EXTL3: variants seen among roughly 807,000 people sequenced by gnomAD.
The protein encoded by EXTL3 is exostosin-like 3.
Under a neutral mutation model 69.3 loss-of-function variants are expected in EXTL3, and 27 were observed. The observed-to-expected ratio is 0.39, with a 90% CI of 0.29 to 0.54. EXTL3 has a LOEUF of 0.54. Ranked by LOEUF, EXTL3 falls within the 20% of genes least tolerant of loss-of-function variation. EXTL3 has a pLI of 0.69. For missense variants in EXTL3, 1,003 were observed against 1,231.8 expected, an observed-to-expected ratio of 0.81 and a Z score of 2.78; for synonymous variants, 511 against 499.4, an observed-to-expected ratio of 1.02 and a Z score of -0.31.
upstream of EXTL3, among the ~76,000 whole-genome samples, chr8:28,619,105 A>C (rs984518573): frequency 7.3e-4 from 109 of 148,898 alleles, 1 homozygote; most frequent in Admixed American, 1.1e-3. Context: ...AAAAAAAAAA[A>C]AAAAAAAAAA....
chr8:28,619,773 C>G (rs1309808491), upstream of EXTL3, among the ~76,000 whole-genome samples: 1 of 148,316 alleles, frequency 6.7e-6, no homozygotes, highest in Admixed American at 6.9e-5. Context: ...GCAGACACCA[C>G]ACATTAGCGC....
Position 28,623,005 on chromosome 8 carries a change from G to T in EXTL3, c.-53+195G>T, listed in dbSNP as rs1301460833. On this transcript the variant is annotated intron_variant, in intron 1 of 6. Coordinates refer to the EXTL3 transcript ENST00000523149. The surrounding 1 kb of genome is among the most constrained non-coding windows in gnomAD (Gnocchi z 4.2). ...CCTGCCCGCGGGCCGGACGTGGGGC[G>T]CCTGCTCTGGGCGTCTGGGGCGGGC... Among the ~76,000 whole-genome samples the T allele has an allele frequency of 2.0e-5, 3 of 152,076 alleles. No homozygotes were observed. Among genetic ancestry groups the T allele is most frequent in the African/African-American group, 2.4e-5 (1 of 41,424 alleles).
At chr8:28,677,711 A>G (rs899889301) in intron 1 of EXTL3, among the ~76,000 whole-genome samples, 1 of 152,210 alleles carries the variant, frequency 6.6e-6, no homozygotes, top group Non-Finnish European at 1.5e-5. Flanking sequence ...CTAGAAAAGC[A>G]TCAAAAATCA....
At chr8:28,642,445 CAAAA>C (rs34884110) in intron 1 of EXTL3, among the ~76,000 whole-genome samples, 3 of 91,952 alleles carry the variant, frequency 3.3e-5, no homozygotes, top group Admixed American at 1.2e-4. Flanking sequence ...AACACTGTCT[CAAAA>C]AAAAAAAAAA....
chr8:28,717,596 C>T lies in EXTL3; in HGVS notation c.1537C>T (p.Arg513Cys), dbSNP rs1332006145. 3.7e-6 allele frequency: 6 copies of T among 1,614,110 alleles called. No homozygotes were observed. Among genetic ancestry groups the T allele is most frequent in the Admixed American group, 1.7e-5 (1 of 60,010 alleles). The part of the protein sequence containing the change: ...SDLLAMRRQG[R>C]FLWETYFSTA... The stretch of plus-strand genomic sequence containing the variant: ...CCTCCTGGCTATGAGGCGGCAAGGC[C>T]GCTTTCTCTGGGAGACTTACTTCTC... Residue 513 changes from arginine (R) to cysteine (C), a missense_variant, in exon 3 of 7, where the codon CGC becomes TGC. Around this residue, in one of 2 missense-constraint regions of EXTL3, gnomAD observed 742 missense variants for 815.4 expected, o/e 0.91. Coordinates refer to ENST00000220562, the MANE Select transcript of EXTL3 (RefSeq NM_001440.4). This position sits in a 1 kb window ranked among gnomAD's most constrained non-coding sequence, Gnocchi z 8.3.
intron 6 of EXTL3, among the ~76,000 whole-genome samples, chr8:28,743,493 A>G (rs1481912689): frequency 6.6e-6 from 1 of 152,120 alleles, no homozygotes; most frequent in Non-Finnish European, 1.5e-5. Context: ...GGAATAAAGC[A>G]TTTTCTTCAG....
intron 3 of EXTL3, among the ~76,000 whole-genome samples, chr8:28,727,510 T>C (rs1801439091): frequency 6.6e-6 from 1 of 152,238 alleles, no homozygotes; most frequent in Non-Finnish European, 1.5e-5. Flanking sequence ...TAATTTTGGA[T>C]ATGATCTAGA....
At chr8:28,663,182 G>A (rs1037467866) in intron 1 of EXTL3, among the ~76,000 whole-genome samples, 3 of 152,186 alleles carry the variant, frequency 2.0e-5, no homozygotes, top group African/African-American at 7.2e-5. Context: ...CAGTCCTTGT[G>A]GTTATATGTT....
chr8:28,647,567 T>C (rs1266035729), intron 1 of EXTL3, among the ~76,000 whole-genome samples: 2 of 152,048 alleles, frequency 1.3e-5, no homozygotes, highest in Non-Finnish European at 2.9e-5. Flanking sequence ...GTGGAGCAGA[T>C]GGTATTCAAA....
chr8:28,707,323 T>TGTATTGCCTTGAACAAGTTTCCTATCCTC (rs1800944652), intron 1 of EXTL3, among the ~76,000 whole-genome samples: 1 of 152,018 alleles, frequency 6.6e-6, no homozygotes, highest in Admixed American at 6.5e-5. Flanking sequence ...TTCCTATCCT[T>TGTATTGCCTTGAACAAGTTTCCTATCCTC]GGTGATACAC....
Position 28,738,847 on chromosome 8 carries a change from C to T in EXTL3, c.2421+1184C>T, listed in dbSNP as rs1801711715. ...TGTCGTCTGTCTTGCTGCCATCAACCAGCCTTTTCATCGTGCCCTGACAGT... is the reference window on the plus strand; with the variant it reads ...TGTCGTCTGTCTTGCTGCCATCAACTAGCCTTTTCATCGTGCCCTGACAGT... On this transcript the variant is annotated intron_variant, in intron 5 of 6. Transcript: ENST00000220562. Among the ~76,000 whole-genome samples, 4 of 152,210 alleles carry T rather than the reference C, an allele frequency of 2.6e-5. No individual in the cohort carries two copies. The South Asian group carries it at 8.3e-4, about 32-fold the overall frequency.
At chr8:28,633,908 G>A (rs1388848440) in intron 1 of EXTL3, among the ~76,000 whole-genome samples, 1 of 152,200 alleles carries the variant, frequency 6.6e-6, no homozygotes, top group African/African-American at 2.4e-5. Context: ...GGCCGCTACA[G>A]AACAGAAACT....
rs58655299 is a variant in EXTL3, at chr8:28,611,326, G to A, written n.314+3568G>A. ...AATAAAATTAGGTGGGGTTGTGCAC[G>A]CCTGTAGTCCCAGCTCCTTGGTAGG... On this transcript the variant is annotated intron_variant and non_coding_transcript_variant, in intron 2 of 4. Coordinates refer to the EXTL3 transcript ENST00000522725. 4.8e-3 allele frequency among the ~76,000 whole-genome samples: 736 copies of A among 152,118 alleles called. 5 individuals are homozygous for A. Among genetic ancestry groups the A allele is most frequent in the African/African-American group, 0.016 (680 of 41,492 alleles).
chr8:28,643,489 A>G (rs1268728769), intron 1 of EXTL3, among the ~76,000 whole-genome samples: 1 of 148,296 alleles, frequency 6.7e-6, no homozygotes, highest in Non-Finnish European at 1.5e-5. Flanking sequence ...ATCTTGGCTC[A>G]CTGCAAGCTC....
Position 28,639,581 on chromosome 8 carries a change from T to C in EXTL3, c.-53+16771T>C, listed in dbSNP as rs575867385. Among the ~76,000 whole-genome samples, 4 of 152,152 alleles carry C rather than the reference T, an allele frequency of 2.6e-5. No individual in the cohort carries two copies. The South Asian group carries it at 8.3e-4, about 32-fold the overall frequency. On this transcript the variant is annotated intron_variant, in intron 1 of 6. Transcript: ENST00000523149. ...GCCTGCCCCTGCCTGCCTACCTCTT[T>C]ATACTTCCCCTCTTGGTCCCTGCGG...
At chr8:28,710,184 C>T (rs928819873) in intron 1 of EXTL3, among the ~76,000 whole-genome samples, 3 of 152,058 alleles carry the variant, frequency 2.0e-5, no homozygotes, top group Non-Finnish European at 4.4e-5. Context: ...TGCCATTGAA[C>T]GTCTGAGGTG....
chr8:28,633,735 A>AT (rs1806609654), intron 1 of EXTL3, among the ~76,000 whole-genome samples: 2 of 152,178 alleles, frequency 1.3e-5, no homozygotes, highest in Non-Finnish European at 2.9e-5. Flanking sequence ...TTTTGTTTAC[A>AT]TGCTGTCTAA....
Position 28,717,843 on chromosome 8 carries a change from T to C in EXTL3, c.1784T>C (p.Leu595Pro). The C allele has an allele frequency of 1.2e-6, 2 of 1,612,020 alleles. No homozygotes were observed. The highest frequency in any genetic ancestry group is 1.7e-6 in the Non-Finnish European group (2 of 1,178,200). Residue 595 changes from leucine to proline, a missense_variant, in exon 3 of 7, where the codon CTG (leucine) becomes CCG (proline). This residue lies in a region of EXTL3 where 742 missense variants were observed against 815.4 expected (regional missense o/e 0.91). Coordinates refer to ENST00000220562, the MANE Select transcript of EXTL3 (RefSeq NM_001440.4). This position sits in a 1 kb window ranked among gnomAD's most constrained non-coding sequence, Gnocchi z 8.3. ...CCCAGATACCTCCGCAATTTCACTC[T>C]GACTGTCACTGACTTTTACCGCAGC... ...ASPRYLRNFT[L>P]TVTDFYRSWN...
In EXTL3 at chr8:28,625,425, T is replaced by C. The variant is rs138268294; in HGVS notation, c.-53+2615T>C. Among the ~76,000 whole-genome samples the C allele has an allele frequency of 6.6e-5, 10 of 152,360 alleles. No homozygotes were observed. In the East Asian group the frequency reaches 1.9e-3, roughly 29 times the overall value. On this transcript the variant is annotated intron_variant, in intron 1 of 6. Transcript: ENST00000523149. ...AGAGGAACTCAGAGCATTTCCTCTGTGGCTTCCCCCTTTGTGGTGCCAATT... is the reference window on the plus strand; with the variant it reads ...AGAGGAACTCAGAGCATTTCCTCTGCGGCTTCCCCCTTTGTGGTGCCAATT...
Sources: gnomAD v4.1 joint callset for allele counts (sites outside exome capture counted in the v4.1 genomes callset) on GRCh38, gnomAD v4.1.1 for gene constraint, gnomAD v4.1.1 regional missense constraint, Gnocchi (gnomAD v3.1) non-coding constraint, MANE v1.5 for transcripts, NCBI Gene and HGNC (gene_info 2026-07-23, HGNC 2026-07-21) for gene names.